Variants in MBNL2 observed in about 807,000 individuals in gnomAD.
The protein encoded by MBNL2 is muscleblind like splicing regulator 2.
A neutral mutation model predicts 41.9 loss-of-function variants in MBNL2; 17 were observed. The observed-to-expected ratio is 0.41, with a 90% CI of 0.28 to 0.61. The LOEUF (loss-of-function observed/expected upper bound fraction) is 0.61, where lower values mean the gene tolerates loss of function less well. Ranked by LOEUF, MBNL2 falls within the 20% of genes least tolerant of loss-of-function variation. The probability of loss-of-function intolerance (pLI) is 0.35; values close to 1 mark genes in which losing one functional copy is unlikely to be tolerated. For missense variants in MBNL2, 336 were observed against 505.6 expected, an observed-to-expected ratio of 0.66 and a Z score of 3.22; for synonymous variants, 195 against 182.9, an observed-to-expected ratio of 1.07 and a Z score of -0.53.
intron 3 of MBNL2, 141 bp from the exon 4 acceptor site, chr13:97,342,874 AT>A: frequency 1.8e-6 from 1 of 560,638 alleles, no homozygotes; most frequent in Non-Finnish European, 3.2e-6. Context: ...CATGGATGTC[AT>A]TTTTATTATA....
chr13:97,153,179 T>C, the MBNL2 span, among the ~76,000 whole-genome samples: 3 of 152,150 alleles, frequency 2.0e-5, no homozygotes, highest in Non-Finnish European at 4.4e-5. Flanking sequence ...TAATAGTACA[T>C]TACATGGCTC....
intron 2 of MBNL2, among the ~76,000 whole-genome samples, chr13:97,308,586 C>T (rs1303570800): frequency 2.6e-5 from 4 of 152,188 alleles, no homozygotes; most frequent in Non-Finnish European, 4.4e-5. Context: ...AATCTTACAC[C>T]TAATGCTTAT....
At chr13:97,373,923 C>A (rs183016824) in intron 8 of MBNL2, among the ~76,000 whole-genome samples, 1 of 151,934 alleles carries the variant, frequency 6.6e-6, no homozygotes, top group Non-Finnish European at 1.5e-5. Flanking sequence ...GGGTAGAATT[C>A]TTTTGTATAT....
intron 2 of MBNL2, among the ~76,000 whole-genome samples, chr13:97,290,289 C>G (rs889245068): frequency 6.6e-6 from 1 of 151,944 alleles, no homozygotes; most frequent in African/African-American, 2.4e-5. Context: ...AGTGGGCACA[C>G]CGCTGGAAAT....
At chr13:97,387,240 G>A (rs1045645566) in intron 8 of MBNL2, among the ~76,000 whole-genome samples, 3 of 151,992 alleles carry the variant, frequency 2.0e-5, no homozygotes, top group Non-Finnish European at 4.4e-5. Flanking sequence ...CTTTCCTACC[G>A]TCATAGTTTG....
At chr13:97,242,826 C>G (rs1197471976) in intron 1 of MBNL2, among the ~76,000 whole-genome samples, 1 of 151,492 alleles carries the variant, frequency 6.6e-6, no homozygotes, top group Admixed American at 6.6e-5. Flanking sequence ...AACAGTTAAG[C>G]TTGGATCTGT....
chr13:97,315,938 G>A (rs999414497), intron 2 of MBNL2, among the ~76,000 whole-genome samples: 3 of 152,128 alleles, frequency 2.0e-5, no homozygotes, highest in Non-Finnish European at 4.4e-5. Flanking sequence ...CAGTGGAGGA[G>A]AGAGATACAC....
chr13:97,145,128 G>A, the MBNL2 span, among the ~76,000 whole-genome samples: 1 of 152,174 alleles, frequency 6.6e-6, no homozygotes, highest in South Asian at 2.1e-4. Context: ...CAACATTTGA[G>A]AAAATGGCTG....
intron 1 of MBNL2, among the ~76,000 whole-genome samples, chr13:97,267,558 A>G (rs1025398098): frequency 6.6e-6 from 1 of 152,180 alleles, no homozygotes; most frequent in African/African-American, 2.4e-5. Context: ...ACTACAAAGC[A>G]GCTCCTTCTG....
At chr13:97,272,911 TGAAATG>T (rs1478704169) in intron 1 of MBNL2, among the ~76,000 whole-genome samples, 1 of 152,164 alleles carries the variant, frequency 6.6e-6, no homozygotes, top group African/African-American at 2.4e-5. Flanking sequence ...CATAGTAAGT[TGAAATG>T]GAAATTCTCC....
the MBNL2 span, among the ~76,000 whole-genome samples, chr13:97,200,716 C>T: frequency 6.6e-6 from 1 of 152,138 alleles, no homozygotes; most frequent in Non-Finnish European, 1.5e-5. Context: ...CACCTACAGA[C>T]ACCACTGAAA....
At chr13:97,375,531 T>C (rs1292682434) in intron 8 of MBNL2, among the ~76,000 whole-genome samples, 3 of 152,068 alleles carry the variant, frequency 2.0e-5, no homozygotes, top group Non-Finnish European at 2.9e-5. Flanking sequence ...GAGGTGGAGA[T>C]GAGGTAGGGC....
rs372963867 is a variant in MBNL2 at position 97,263,806 on chromosome 13, C to T, written c.-604-11826C>T. On this transcript the variant is annotated intron_variant, in intron 1 of 8. Transcript: ENST00000679496. ...TTAATTTTTGTATTTTTAGTAGAGA[C>T]GGGATTTCATCATGTTGGCCAAGAT... 6.5e-3 allele frequency among the ~76,000 whole-genome samples: 985 copies of T among 151,866 alleles called. 7 individuals are homozygous for T. The highest frequency in any genetic ancestry group is 0.022 in the African/African-American group (904 of 41,394).
chr13:97,244,451 G>A (rs1458185536), intron 1 of MBNL2, among the ~76,000 whole-genome samples: 1 of 152,138 alleles, frequency 6.6e-6, no homozygotes, highest in East Asian at 1.9e-4. Flanking sequence ...AAGAGAAATC[G>A]GGAAACAAAT....
chr13:97,239,015 A>G (rs2152805367), intron 1 of MBNL2, among the ~76,000 whole-genome samples: 1 of 152,342 alleles, frequency 6.6e-6, no homozygotes, highest in East Asian at 1.9e-4. Context: ...CTTGAAATGA[A>G]TTCTGCTCTA....
intron 8 of MBNL2, among the ~76,000 whole-genome samples, chr13:97,375,977 C>A (rs1006172791): frequency 6.6e-6 from 1 of 151,964 alleles, no homozygotes; most frequent in Admixed American, 6.6e-5. Flanking sequence ...ATCAGAAGGT[C>A]GGGTTATGGA....
At chr13:97,265,923 T>C (rs2049678900) in intron 1 of MBNL2, among the ~76,000 whole-genome samples, 1 of 151,944 alleles carries the variant, frequency 6.6e-6, no homozygotes, top group Non-Finnish European at 1.5e-5. Context: ...AAGCAGAACA[T>C]TCAAGGCACC....
At position 97,365,079 on chromosome 13, in the gene MBNL2, G is replaced by A. The variant is rs776524390; in HGVS notation, c.1013-57G>A. 370 of 1,138,292 alleles carry A rather than the reference G, an allele frequency of 3.3e-4. 1 individual carries two copies. The highest frequency in any genetic ancestry group is 4.5e-4 in the Non-Finnish European group (339 of 745,358). 70.5% of individuals were successfully genotyped at this position (1,138,292 alleles called of 1,614,324 possible). Reference sequence around the variant, plus strand: ...TCACTTTGAATGTTAACTCTAAACCGCTAACCTGTTTCTTTCCCTTTATTC... The same window carrying A: ...TCACTTTGAATGTTAACTCTAAACCACTAACCTGTTTCTTTCCCTTTATTC... On this transcript the variant is annotated intron_variant, in intron 7 of 8. Transcript: ENST00000679496.
chr13:97,160,441 G>A, the MBNL2 span, among the ~76,000 whole-genome samples: 1 of 152,136 alleles, frequency 6.6e-6, no homozygotes, highest in East Asian at 1.9e-4. Context: ...AACAGATATG[G>A]CCTAATTTCT....
Sources: gnomAD v4.1 joint callset for allele counts (sites outside exome capture counted in the v4.1 genomes callset) on GRCh38, gnomAD v4.1.1 for gene constraint, MANE v1.5 for transcripts, NCBI Gene and HGNC (gene_info 2026-07-23, HGNC 2026-07-21) for gene names.